Variants in IMMP2L observed in about 807,000 individuals in gnomAD.
The protein encoded by IMMP2L is inner mitochondrial membrane peptidase subunit 2.
Under a neutral mutation model 19.3 loss-of-function variants are expected in IMMP2L, and 18 were observed. The observed-to-expected ratio is 0.93, with a 90% confidence interval of 0.64 to 1.38. The LOEUF is 1.38. Among genes scored for constraint, IMMP2L ranks in the 40% most tolerant of loss-of-function variants. IMMP2L has a pLI of 0.00. For missense variants in IMMP2L, 233 were observed against 218.2 expected, an observed-to-expected ratio of 1.07 and a Z score of -0.43; for synonymous variants, 76 against 73.0, an observed-to-expected ratio of 1.04 and a Z score of -0.21.
chr7:110,889,133 G>C (rs1459744485), intron 4 of IMMP2L, among the ~76,000 whole-genome samples: 1 of 152,150 alleles, frequency 6.6e-6, no homozygotes, highest in East Asian at 1.9e-4. Context: ...TAACTCAGCA[G>C]TCCCCAGCCT....
chr7:111,163,804 A>G (rs1805525493), intron 3 of IMMP2L, among the ~76,000 whole-genome samples: 2 of 152,036 alleles, frequency 1.3e-5, no homozygotes, highest in Admixed American at 6.6e-5. Flanking sequence ...CAATAGTCTG[A>G]TATCTCTTAT....
intron 3 of IMMP2L, among the ~76,000 whole-genome samples, chr7:111,450,428 T>C (rs938376944): frequency 6.6e-6 from 1 of 152,056 alleles, no homozygotes; most frequent in African/African-American, 2.4e-5. Context: ...ATCTGATCTT[T>C]GACAAACCTG....
At chr7:111,523,021 G>C (rs951290022) in intron 1 of IMMP2L, among the ~76,000 whole-genome samples, 1 of 150,696 alleles carries the variant, frequency 6.6e-6, no homozygotes, top group Admixed American at 6.6e-5. Context: ...AAATAACCCA[G>C]GCACAGAAAG....
At chr7:111,227,322 G>C (rs1448897768) in intron 3 of IMMP2L, among the ~76,000 whole-genome samples, 2 of 152,014 alleles carry the variant, frequency 1.3e-5, no homozygotes, top group African/African-American at 4.8e-5. Flanking sequence ...GCTACCCGAA[G>C]TATTACTTTA....
In IMMP2L at chr7:110,940,928, G is replaced by A. The variant is rs552319360; in HGVS notation, c.305+22572C>T. 2.5e-3 allele frequency among the ~76,000 whole-genome samples: 384 copies of A among 152,178 alleles called. 2 individuals are homozygous for A. The highest frequency in any genetic ancestry group is 4.1e-3 in the Non-Finnish European group (278 of 68,032). On this transcript the variant is annotated intron_variant, in intron 4 of 5. Transcript: ENST00000405709. ...TGGTTTAATCACAGCCACATTGCTT[G>A]CTGATAGTGTGCTGCATGAAGGAAG...
intron 3 of IMMP2L, among the ~76,000 whole-genome samples, chr7:111,077,263 T>G (rs958563851): frequency 5.3e-5 from 8 of 152,194 alleles, no homozygotes; most frequent in Admixed American, 1.3e-4. Context: ...TTTGGTTGGT[T>G]TTTTTGTTTT....
intron 1 of IMMP2L, among the ~76,000 whole-genome samples, chr7:111,544,339 T>C (rs1304552971): frequency 6.6e-6 from 1 of 152,048 alleles, no homozygotes; most frequent in Non-Finnish European, 1.5e-5. Flanking sequence ...GGCACATGTA[T>C]ACACATGTAA....
intron 5 of IMMP2L, among the ~76,000 whole-genome samples, chr7:110,839,826 A>G (rs981157825): frequency 3.3e-5 from 5 of 152,106 alleles, no homozygotes; most frequent in Non-Finnish European, 5.9e-5. Flanking sequence ...ATTTTAGTAA[A>G]TTAGAACATT....
At chr7:111,423,343 C>T (rs567631792) in intron 3 of IMMP2L, among the ~76,000 whole-genome samples, 4 of 151,806 alleles carry the variant, frequency 2.6e-5, no homozygotes, top group African/African-American at 9.7e-5. Flanking sequence ...TCCATCTGGT[C>T]CTGGACTTTT....
chr7:111,149,562 C>T (rs577702396), intron 3 of IMMP2L, among the ~76,000 whole-genome samples: 1 of 152,264 alleles, frequency 6.6e-6, no homozygotes, highest in East Asian at 1.9e-4. Context: ...ACATTCATGA[C>T]ATACCTAACT....
At chr7:111,296,805 T>C (rs763292029) in intron 3 of IMMP2L, among the ~76,000 whole-genome samples, 1 of 151,956 alleles carries the variant, frequency 6.6e-6, no homozygotes, top group Non-Finnish European at 1.5e-5. Context: ...ACTGGCTGAA[T>C]GGTTAAATAA....
chr7:110,776,060 C>A (rs577778913), intron 5 of IMMP2L, among the ~76,000 whole-genome samples: 6 of 151,828 alleles, frequency 4.0e-5, no homozygotes, highest in Admixed American at 3.3e-4. Flanking sequence ...ATAAATAATC[C>A]GTAATTTGAA....
chr7:110,859,481 G>A, intron 5 of IMMP2L, among the ~76,000 whole-genome samples: 1 of 151,742 alleles, frequency 6.6e-6, no homozygotes, highest in East Asian at 1.9e-4. Flanking sequence ...GGTGGCTCAC[G>A]ACTGTAATCC....
At chr7:110,823,371 A>G (rs562070203) in intron 5 of IMMP2L, among the ~76,000 whole-genome samples, 1 of 152,206 alleles carries the variant, frequency 6.6e-6, no homozygotes, top group African/African-American at 2.4e-5. Flanking sequence ...TGATTACATT[A>G]CTTGACTCTT....
intron 4 of IMMP2L, among the ~76,000 whole-genome samples, chr7:110,889,403 G>C (rs1352709715): frequency 6.6e-6 from 1 of 152,130 alleles, no homozygotes; most frequent in Non-Finnish European, 1.5e-5. Flanking sequence ...AGGTATAAGA[G>C]TGTCATAAGG....
intron 3 of IMMP2L, among the ~76,000 whole-genome samples, chr7:111,447,616 A>G (rs1380544615): frequency 1.3e-5 from 2 of 151,662 alleles, no homozygotes. Context: ...CCAAAATGTA[A>G]AGACCATCGA....
chr7:110,874,685 T>C (rs149064290), intron 5 of IMMP2L, among the ~76,000 whole-genome samples: 2,057 of 152,206 alleles, frequency 0.014, 23 homozygotes, highest in Middle Eastern at 0.031. Flanking sequence ...CTCTTTAAAA[T>C]GTACCTAAAG....
chr7:110,715,940 T>A (rs1352372666), intron 5 of IMMP2L, among the ~76,000 whole-genome samples: 1 of 152,164 alleles, frequency 6.6e-6, no homozygotes, highest in Non-Finnish European at 1.5e-5. Context: ...ATCTGGGTGC[T>A]CCAATGTTGG....
At chr7:111,160,632 T>G (rs1413194640) in intron 3 of IMMP2L, among the ~76,000 whole-genome samples, 1 of 151,584 alleles carries the variant, frequency 6.6e-6, no homozygotes, top group Non-Finnish European at 1.5e-5. Flanking sequence ...GAGCTAAGTA[T>G]GTCATTTAGG....
Sources: gnomAD v4.1 joint callset for allele counts (sites outside exome capture counted in the v4.1 genomes callset) on GRCh38, gnomAD v4.1.1 for gene constraint, MANE v1.5 for transcripts, NCBI Gene and HGNC (gene_info 2026-07-23, HGNC 2026-07-21) for gene names.